PPP1R12A: variants seen among roughly 807,000 people sequenced by gnomAD.
The protein encoded by PPP1R12A is myosin binding subunit.
A neutral mutation model predicts 139.6 loss-of-function variants in PPP1R12A; 19 were observed. The observed-to-expected ratio is 0.14, with a 90% confidence interval of 0.09 to 0.20. PPP1R12A has a LOEUF of 0.20. PPP1R12A is among the 10% of genes least tolerant of loss of function. PPP1R12A has a pLI of 1.00. For synonymous variants in PPP1R12A, 427 were observed against 420.6 expected, an observed-to-expected ratio of 1.02 and a Z score of -0.19; for missense variants, 925 against 1,211.5, an observed-to-expected ratio of 0.76 and a Z score of 3.51.
At chr12:79,812,387 T>TGTGCGTGC (rs1555202862) in intron 9 of PPP1R12A, among the ~76,000 whole-genome samples, 2 of 140,042 alleles carry the variant, frequency 1.4e-5, no homozygotes, top group African/African-American at 5.9e-5. Flanking sequence ...TGACTCTGTG[T>TGTGCGTGC]GTGCGTGTGT....
intron 14 of PPP1R12A, among the ~76,000 whole-genome samples, chr12:79,800,522 A>T (rs956938128): frequency 6.6e-6 from 1 of 151,932 alleles, no homozygotes; most frequent in Non-Finnish European, 1.5e-5. Context: ...CTGGCAGTCA[A>T]TGGTAGGCTA....
At chr12:79,897,342 T>C (rs1353088428) in intron 1 of PPP1R12A, among the ~76,000 whole-genome samples, 1 of 152,070 alleles carries the variant, frequency 6.6e-6, no homozygotes, top group Non-Finnish European at 1.5e-5. Flanking sequence ...GTGAGCTAAA[T>C]ATTGGGTACT....
rs181336465 is a variant in PPP1R12A at position 79,857,142 on chromosome 12, T to C, written c.369-11722A>G. On this transcript the variant is annotated intron_variant, in intron 2 of 24. Coordinates refer to ENST00000450142, the MANE Select transcript of PPP1R12A (RefSeq NM_002480.3). ...AAAGACACATGCACACGTATGTTTATTGCGGCATTATTCACAATAGCAAAG... is the reference window on the plus strand; with the variant it reads ...AAAGACACATGCACACGTATGTTTACTGCGGCATTATTCACAATAGCAAAG... 1.2e-3 allele frequency among the ~76,000 whole-genome samples: 181 copies of C among 152,330 alleles called. 1 individual carries two copies. The highest frequency in any genetic ancestry group is 4.0e-3 in the African/African-American group (167 of 41,578).
intron 1 of PPP1R12A, among the ~76,000 whole-genome samples, chr12:79,887,751 C>T (rs1383590123): frequency 6.6e-6 from 1 of 152,070 alleles, no homozygotes; most frequent in African/African-American, 2.4e-5. Context: ...GAAACAAAAG[C>T]TTCTACTTAC....
At chr12:79,869,315 G>A (rs1992997) in intron 2 of PPP1R12A, among the ~76,000 whole-genome samples, 119,549 of 152,160 alleles carry the variant, frequency 0.79, 49,473 homozygotes, top group Non-Finnish European at 0.92. Flanking sequence ...ATTTCCAACA[G>A]AGGTTAAAAA....
intron 3 of PPP1R12A, 137 bp from the exon 4 acceptor site, chr12:79,832,628 C>A: frequency 1.1e-6 from 1 of 870,866 alleles, no homozygotes; most frequent in Non-Finnish European, 1.6e-6. Flanking sequence ...CTGCTTATAA[C>A]AAGTTGGTTA....
intron 2 of PPP1R12A, among the ~76,000 whole-genome samples, chr12:79,863,858 G>A (rs754482852): frequency 3.9e-5 from 6 of 151,968 alleles, no homozygotes; most frequent in Non-Finnish European, 7.4e-5. Flanking sequence ...AGAGACCTAC[G>A]AAGAGACTTA....
At chr12:79,857,033 C>T (rs893583887) in intron 2 of PPP1R12A, among the ~76,000 whole-genome samples, 4 of 152,222 alleles carry the variant, frequency 2.6e-5, no homozygotes, top group Admixed American at 6.5e-5. Context: ...GCTCCCAACT[C>T]GCAGAGGCAA....
chr12:79,864,265 G>A (rs1191033928), intron 2 of PPP1R12A, among the ~76,000 whole-genome samples: 4 of 152,174 alleles, frequency 2.6e-5, no homozygotes, highest in Admixed American at 2.6e-4. Flanking sequence ...AATGAAGGCA[G>A]AGATAAAGAT....
At chr12:79,851,844 G>A (rs1436082620) in intron 2 of PPP1R12A, among the ~76,000 whole-genome samples, 1 of 152,004 alleles carries the variant, frequency 6.6e-6, no homozygotes, top group African/African-American at 2.4e-5. Flanking sequence ...TTCAGATTTG[G>A]CAATTTGTAT....
chr12:79,931,397 G>A (rs1056595962), intron 1 of PPP1R12A, among the ~76,000 whole-genome samples: 14 of 151,968 alleles, frequency 9.2e-5, no homozygotes, highest in African/African-American at 2.7e-4. Context: ...ATGAGGCTTG[G>A]AGCTTTGCAG....
Position 79,786,445 on chromosome 12 carries a change from G to T in PPP1R12A, c.2836C>A (p.Leu946Met). 6.4e-7 allele frequency: 1 copy of T among 1,558,188 alleles called. No individual in the cohort carries two copies. Among genetic ancestry groups the T allele is most frequent in the Non-Finnish European group, 8.7e-7 (1 of 1,151,322 alleles). Residue 946 changes from leucine to methionine, a missense_variant, in exon 22 of 25, where the codon CTG (leucine) becomes ATG (methionine). Around this residue, in one of 4 missense-constraint regions of PPP1R12A, gnomAD observed 315 missense variants for 363.4 expected, o/e 0.87. Transcript: ENST00000450142. ...TTTGTATCATGTAGCTGTGCCTTCA[G>T]CTTTTCATTTTCAGCTAGAATTTGT... ...YEQILAENEK[L>M]KAQLHDTNME...
At chr12:79,822,803 A>C (rs1876274106) in intron 5 of PPP1R12A, among the ~76,000 whole-genome samples, 5 of 143,666 alleles carry the variant, frequency 3.5e-5, no homozygotes, top group Admixed American at 3.5e-4. Context: ...CATCAGGTGG[A>C]CATCTGCATT....
chr12:79,899,410 T>A (rs1235444620), intron 1 of PPP1R12A, among the ~76,000 whole-genome samples: 1 of 152,006 alleles, frequency 6.6e-6, no homozygotes, highest in Non-Finnish European at 1.5e-5. Flanking sequence ...CAGAGTCAAC[T>A]ACTGTTCTGG....
intron 1 of PPP1R12A, among the ~76,000 whole-genome samples, chr12:79,921,698 T>G (rs983182278): frequency 3.3e-5 from 5 of 152,356 alleles, no homozygotes; most frequent in African/African-American, 1.2e-4. Context: ...GCTGGACATA[T>G]GATAAATGGT....
At chr12:79,928,379 A>G (rs1888003514) in intron 1 of PPP1R12A, among the ~76,000 whole-genome samples, 1 of 152,140 alleles carries the variant, frequency 6.6e-6, no homozygotes, top group Non-Finnish European at 1.5e-5. Flanking sequence ...AGCACACCCC[A>G]TATATGGCTA....
chr12:79,832,522 T>C, intron 3 of PPP1R12A, 31 bp from the exon 4 acceptor site: 3 of 1,546,446 alleles, frequency 1.9e-6, no homozygotes, highest in Non-Finnish European at 2.6e-6. Context: ...CTTTTTATTT[T>C]TGCTTAAAAA....
intron 5 of PPP1R12A, chr12:79,824,849 T>G (rs1876570620): frequency 6.6e-6 from 1 of 152,160 alleles, no homozygotes; most frequent in African/African-American, 2.4e-5. Context: ...TCAAGAGAAC[T>G]ATCTTAAAAG....
chr12:79,904,091 T>C (rs1173751415), intron 1 of PPP1R12A, among the ~76,000 whole-genome samples: 2 of 152,082 alleles, frequency 1.3e-5, no homozygotes, highest in Non-Finnish European at 2.9e-5. Flanking sequence ...GATGGGCACC[T>C]GTAATCCCAG....
Sources: gnomAD v4.1 joint callset for allele counts (sites outside exome capture counted in the v4.1 genomes callset) on GRCh38, gnomAD v4.1.1 for gene constraint, gnomAD v4.1.1 regional missense constraint, MANE v1.5 for transcripts, NCBI Gene and HGNC (gene_info 2026-07-23, HGNC 2026-07-21) for gene names.